The following SGK1 variants were observed in gnomAD, a reference collection of about 807,000 sequenced individuals.
The protein encoded by SGK1 is serine/threonine-protein kinase Sgk1.
In SGK1, 26 loss-of-function variants were observed where a neutral mutation model predicts 64.2. That is an observed-to-expected ratio of 0.40 (90% CI 0.30 to 0.56). The LOEUF (loss-of-function observed/expected upper bound fraction) is 0.56, where lower values mean the gene tolerates loss of function less well. Among genes scored for constraint, SGK1 ranks in the 20% least tolerant of loss-of-function variants. SGK1 has a pLI of 0.38. For missense variants in SGK1, 519 were observed against 645.6 expected (o/e 0.80, Z 2.12); for synonymous variants, 265 against 239.7 (o/e 1.11, Z -0.98).
chr6:134,202,055 C>T (rs967248046), intron 3 of SGK1, among the ~76,000 whole-genome samples: 7 of 151,932 alleles, frequency 4.6e-5, no homozygotes, highest in Non-Finnish European at 8.8e-5. Context: ...CATAGTCAAA[C>T]TGATAAAAAA....
At position 134,317,949 on chromosome 6, in the gene SGK1, GAGA is replaced by G. The variant is rs1410470566; in HGVS notation, c.-492_-490del. On this transcript the variant is annotated 5_prime_UTR_variant, in exon 1 of 14. Coordinates refer to ENST00000367858, the MANE Select transcript of SGK1 (RefSeq NM_001143676.3). The stretch of plus-strand genomic sequence containing the variant: ...GTGGGAGCTGTAGTTAAGCAGCTGA[GAGA>G]AGGAGTAAGAAAGAGCAGAAGCCAG... The G allele has an allele frequency of 1.3e-5, 2 of 154,654 alleles. No individual in the cohort carries two copies. The highest frequency in any genetic ancestry group is 2.9e-5 in the Non-Finnish European group (2 of 69,588). The allele number at this position is 154,654 out of a possible 1,614,324, so 9.6% of individuals were successfully genotyped here.
chr6:134,251,333 T>G (rs1477380698), intron 2 of SGK1, among the ~76,000 whole-genome samples: 1 of 152,216 alleles, frequency 6.6e-6, no homozygotes, highest in Non-Finnish European at 1.5e-5. Context: ...TTTTAAAATT[T>G]TAAAAGTCTC....
intron 3 of SGK1, among the ~76,000 whole-genome samples, chr6:134,200,909 C>T (rs1172440620): frequency 6.6e-6 from 1 of 151,046 alleles, no homozygotes; most frequent in South Asian, 2.1e-4. Flanking sequence ...GTCTCAAAAA[C>T]AAAACAAAAA....
chr6:134,199,419 C>T (rs1051411982), intron 3 of SGK1, among the ~76,000 whole-genome samples: 29 of 151,764 alleles, frequency 1.9e-4, no homozygotes, highest in African/African-American at 6.0e-4. Context: ...ATTAGCCAGG[C>T]GTGGTGGCGG....
intron 2 of SGK1, among the ~76,000 whole-genome samples, chr6:134,242,301 C>T (rs374632627): frequency 2.6e-5 from 4 of 152,028 alleles, no homozygotes; most frequent in East Asian, 1.9e-4. Flanking sequence ...GCCTGGCCAA[C>T]GTGGCAAAAC....
At chr6:134,177,584 C>T (rs923620928) in intron 3 of SGK1, 5 of 1,074,926 alleles carry the variant, frequency 4.7e-6, no homozygotes, top group Middle Eastern at 2.6e-4. Context: ...TCCTACACCC[C>T]ACCTTATGTG....
At chr6:134,263,822 G>C (rs1007561059) in intron 1 of SGK1, among the ~76,000 whole-genome samples, 1 of 152,176 alleles carries the variant, frequency 6.6e-6, no homozygotes, top group African/African-American at 2.4e-5. Context: ...TAAACTTTGG[G>C]AGGCTAAGGC....
At position 134,172,320 on chromosome 6, in the gene SGK1, T is replaced by TA. The variant is rs747061027; in HGVS notation, c.948-5dup. On this transcript the variant is annotated splice_region_variant and splice_polypyrimidine_tract_variant and intron_variant, in intron 9 of 13. Transcript: ENST00000367858. ...AATATTCTCTGGTTTTAAGTCTCTGTAAAAAAGTGAATAGAAAAGTAGTTG... is the reference window on the plus strand; with the variant it reads ...AATATTCTCTGGTTTTAAGTCTCTGTAAAAAAAGTGAATAGAAAAGTAGTTG... 1.4e-5 allele frequency: 23 copies of TA among 1,607,030 alleles called. 1 individual carries two copies. The highest frequency in any genetic ancestry group is 2.0e-5 in the Non-Finnish European group (23 of 1,177,534).
intron 3 of SGK1, chr6:134,177,979 G>A (rs1775274941): frequency 1.5e-6 from 1 of 687,852 alleles, no homozygotes; most frequent in African/African-American, 1.8e-5. Context: ...AGTCATCAGT[G>A]TCCTAGCTTT....
At chr6:134,301,881 G>A (rs1272777595) in intron 1 of SGK1, among the ~76,000 whole-genome samples, 1 of 152,182 alleles carries the variant, frequency 6.6e-6, no homozygotes, top group Middle Eastern at 3.2e-3. Context: ...ATTGGCATGA[G>A]CCACCACTGC....
chr6:134,200,446 C>T (rs1010521102), intron 3 of SGK1, among the ~76,000 whole-genome samples: 6 of 152,194 alleles, frequency 3.9e-5, no homozygotes, highest in African/African-American at 1.4e-4. Context: ...TCGTCTGGCA[C>T]TCACACAAAA....
At chr6:134,189,029 G>T (rs1775466609) in intron 3 of SGK1, among the ~76,000 whole-genome samples, 1 of 150,716 alleles carries the variant, frequency 6.6e-6, no homozygotes, top group Admixed American at 6.7e-5. Context: ...ACAGGTGTGA[G>T]CCACTCACGC....
At chr6:134,206,371 ATATATATATATATTTTTTTTTTTT>A (rs1430475320) in intron 3 of SGK1, among the ~76,000 whole-genome samples, 10 of 4,972 alleles carry the variant, frequency 2.0e-3, no homozygotes, top group South Asian at 9.6e-3. Flanking sequence ...ATATATATAT[ATATATATATATATTTTTTTTTTTT>A]TTTTTTTTTT....
chr6:134,232,473 A>AAAAGAAAGAAAG, intron 2 of SGK1, among the ~76,000 whole-genome samples: 1 of 96,106 alleles, frequency 1.0e-5, no homozygotes, highest in Non-Finnish European at 2.0e-5. Context: ...GAAAGAAAGA[A>AAAAGAAAGAAAG]AGAAAGAAAG....
intron 2 of SGK1, among the ~76,000 whole-genome samples, chr6:134,217,647 T>C (rs1776008241): frequency 6.6e-6 from 1 of 152,200 alleles, no homozygotes; most frequent in Admixed American, 6.5e-5. Flanking sequence ...ATAAAGATGA[T>C]GGTTTGGACC....
intron 1 of SGK1, among the ~76,000 whole-genome samples, chr6:134,281,586 C>A (rs374539389): frequency 6.6e-6 from 1 of 150,722 alleles, no homozygotes; most frequent in South Asian, 2.1e-4. Flanking sequence ...GGCGTAATCA[C>A]AGCTCACTGC....
intron 1 of SGK1, chr6:134,297,695 G>A (rs769325588): frequency 8.1e-5 from 36 of 442,976 alleles, no homozygotes; most frequent in Non-Finnish European, 1.4e-4. Context: ...TAGAGACAGG[G>A]TTTCACCCTG....
At chr6:134,301,583 CTTCCCTTCT>C (rs1218805239) in intron 1 of SGK1, among the ~76,000 whole-genome samples, 238 of 145,036 alleles carry the variant, frequency 1.6e-3, no homozygotes, top group Non-Finnish European at 3.1e-3. Flanking sequence ...CTTCTCTTCT[CTTCCCTTCT>C]CTTCTCTTTT....
chr6:134,305,175 T>C (rs996231259), intron 1 of SGK1, among the ~76,000 whole-genome samples: 5 of 151,852 alleles, frequency 3.3e-5, no homozygotes, highest in Non-Finnish European at 7.4e-5. Context: ...CTGGTCAACA[T>C]GGTGAAACCC....
Sources: allele counts gnomAD v4.1 joint callset (sites outside exome capture counted in the v4.1 genomes callset), GRCh38; gene constraint gnomAD v4.1.1; transcripts MANE v1.5; gene names NCBI Gene and HGNC (gene_info 2026-07-23, HGNC 2026-07-21).